The following CDRT4 variants were observed in gnomAD, a reference collection of about 807,000 sequenced individuals.
The protein encoded by CDRT4 is CMT1A duplicated region transcript 4 protein.
For synonymous variants in CDRT4, 64 were observed against 69.6 expected (o/e 0.92, Z 0.40); for missense variants, 167 against 193.1 (o/e 0.87, Z 0.80).
rs550468108 is a variant in CDRT4 at position 15,462,351 on chromosome 17, C to T, written c.-130+5109G>A. Among the ~76,000 whole-genome samples, 23 of 150,366 alleles carry T rather than the reference C, an allele frequency of 1.5e-4. 1 individual carries two copies. The South Asian group carries it at 4.7e-3, about 31-fold the overall frequency. On this transcript the variant is annotated intron_variant, in intron 1 of 3. Coordinates refer to ENST00000619038, the MANE Select transcript of CDRT4 (RefSeq NM_001204477.2). Reference sequence around the variant, plus strand: ...GCTGAGTCAGGAGAATGGCGTTAACCCAGGAGGCAGAGCTTGCAGTGAGCC... The same window carrying T: ...GCTGAGTCAGGAGAATGGCGTTAACTCAGGAGGCAGAGCTTGCAGTGAGCC...
At chr17:15,463,657 G>C (rs1567615244) in intron 1 of CDRT4, among the ~76,000 whole-genome samples, 1 of 152,144 alleles carries the variant, frequency 6.6e-6, no homozygotes, top group Non-Finnish European at 1.5e-5. Context: ...CCATGAAGCT[G>C]CTCCCAGCTG....
intron 2 of CDRT4, 61 bp from the exon 3 acceptor site, chr17:15,440,346 C>A (rs1978701658): frequency 6.3e-7 from 1 of 1,578,166 alleles, no homozygotes; most frequent in Non-Finnish European, 8.6e-7. Context: ...TTAGTAGCCA[C>A]CCTGGGTGGG....
At chr17:15,443,147 A>G (rs950476751) in intron 2 of CDRT4, among the ~76,000 whole-genome samples, 1 of 152,118 alleles carries the variant, frequency 6.6e-6, no homozygotes, top group Non-Finnish European at 1.5e-5. Flanking sequence ...AAATCATTCA[A>G]TTACCTGGAA....
chr17:15,440,223 T>C lies in CDRT4; in HGVS notation c.16A>G (p.Met6Val), dbSNP rs778565867. 11 of 1,613,840 alleles carry C rather than the reference T, an allele frequency of 6.8e-6. No individual in the cohort carries two copies. Reference protein sequence around the residue: MDARRMKKEEGLTENT... With the variant: MDARRVKKEEGLTENT... Reference sequence around the variant, plus strand: ...CCAACCCTACCTTCTTCTTTCTTCATCCTTCTTGCATCCATCTTCTTTTTA... The same window carrying C: ...CCAACCCTACCTTCTTCTTTCTTCACCCTTCTTGCATCCATCTTCTTTTTA... The change falls in exon 3 of 4, where the codon ATG (methionine) becomes GTG (valine). Residue 6 changes from methionine (M) to valine (V), a missense_variant. Transcript: ENST00000619038.
At chr17:15,456,956 C>T (rs868823046) in intron 1 of CDRT4, among the ~76,000 whole-genome samples, 1 of 152,160 alleles carries the variant, frequency 6.6e-6, no homozygotes, top group South Asian at 2.1e-4. Context: ...GAGAATGTTT[C>T]CTAAACCTCT....
chr17:15,452,420 T>C (rs1979303785), intron 2 of CDRT4: 1 of 152,216 alleles, frequency 6.6e-6, no homozygotes, highest in African/African-American at 2.4e-5. Flanking sequence ...TGAAACCTTG[T>C]CTAACATGAA....
intron 1 of CDRT4, among the ~76,000 whole-genome samples, chr17:15,456,520 C>T (rs1166173105): frequency 6.6e-6 from 1 of 151,844 alleles, no homozygotes; most frequent in Non-Finnish European, 1.5e-5. Context: ...GTTTGGACTC[C>T]ACCTAGGCAC....
intron 2 of CDRT4, among the ~76,000 whole-genome samples, chr17:15,444,681 G>A (rs1173194832): frequency 2.0e-5 from 3 of 148,716 alleles, no homozygotes; most frequent in African/African-American, 2.5e-5. Context: ...ACGAAACCCC[G>A]TCTCTACTAA....
At chr17:15,444,926 G>C (rs1357278213) in intron 2 of CDRT4, among the ~76,000 whole-genome samples, 2 of 152,240 alleles carry the variant, frequency 1.3e-5, no homozygotes, top group Non-Finnish European at 2.9e-5. Flanking sequence ...AGAAGCAGTG[G>C]CTTTAAAGTA....
intron 2 of CDRT4, among the ~76,000 whole-genome samples, chr17:15,448,280 C>T (rs938681756): frequency 7.2e-5 from 11 of 152,208 alleles, no homozygotes; most frequent in Admixed American, 2.6e-4. Context: ...ACTGCACATC[C>T]TCCAAATATC....
intron 1 of CDRT4, among the ~76,000 whole-genome samples, chr17:15,459,916 C>T (rs1468016033): frequency 6.6e-6 from 1 of 152,154 alleles, no homozygotes; most frequent in African/African-American, 2.4e-5. Context: ...TCCTGAGTCC[C>T]AGCACCTCAT....
chr17:15,464,883 A>C lies in CDRT4; in HGVS notation c.-130+2577T>G, dbSNP rs140702959. 7.1e-4 allele frequency among the ~76,000 whole-genome samples: 108 copies of C among 152,268 alleles called. No individual in the cohort carries two copies. Among genetic ancestry groups the C allele is most frequent in the African/African-American group, 2.3e-3 (94 of 41,544 alleles). Reference sequence around the variant, plus strand: ...AGAAAGGAACCAGCAGGGATACGGGAACAGAGGCACAGACATCAAGCAGGG... The same window carrying C: ...AGAAAGGAACCAGCAGGGATACGGGCACAGAGGCACAGACATCAAGCAGGG... On this transcript the variant is annotated intron_variant, in intron 1 of 3. Transcript: ENST00000619038. This position sits in a 1 kb window ranked among gnomAD's most constrained non-coding sequence, Gnocchi z 4.5.
In CDRT4 at chr17:15,437,922, C is replaced by T. The variant is rs146969230; in HGVS notation, c.310G>A (p.Ala104Thr). 4.4e-5 allele frequency: 71 copies of T among 1,614,164 alleles called. No homozygotes were observed. Among genetic ancestry groups the T allele is most frequent in the Middle Eastern group, 1.6e-4 (1 of 6,062 alleles). ...LSESTLSMWG[A>T]YSVLAMAPTM... ...GGAGCCATGGCCAATACCGAATAAGCGCCCCACATTGATAACGTGGATTCT... is the reference window on the plus strand; with the variant it reads ...GGAGCCATGGCCAATACCGAATAAGTGCCCCACATTGATAACGTGGATTCT... The change falls in exon 4 of 4, where the codon GCT (alanine) becomes ACT (threonine). Residue 104 changes from alanine (A) to threonine (T), a missense_variant. Ala to Thr is a moderately conservative substitution (Grantham distance 58). Transcript: ENST00000619038.
intron 1 of CDRT4, among the ~76,000 whole-genome samples, chr17:15,457,057 C>T (rs1176587796): frequency 6.6e-6 from 1 of 152,164 alleles, no homozygotes; most frequent in East Asian, 1.9e-4. Context: ...TCCAGTCCAA[C>T]ATCTCAGCCC....
intron 2 of CDRT4, among the ~76,000 whole-genome samples, chr17:15,447,156 G>C (rs1434439778): frequency 6.6e-6 from 1 of 152,160 alleles, no homozygotes; most frequent in African/African-American, 2.4e-5. Flanking sequence ...CAAAAGCAGA[G>C]GCCTCCCAGT....
At chr17:15,462,868 T>C (rs1597471101) in intron 1 of CDRT4, among the ~76,000 whole-genome samples, 1 of 152,212 alleles carries the variant, frequency 6.6e-6, no homozygotes, top group East Asian at 1.9e-4. Context: ...CTAGCAGTGT[T>C]GCATTTCTTG....
At chr17:15,461,765 C>T (rs1287500896) in intron 1 of CDRT4, among the ~76,000 whole-genome samples, 2 of 151,994 alleles carry the variant, frequency 1.3e-5, no homozygotes, top group Admixed American at 1.3e-4. Context: ...GGAATATAGG[C>T]TATATATAAA....
Position 15,442,138 on chromosome 17 carries a change from C to T in CDRT4, c.-47-1853G>A, listed in dbSNP as rs566533393. On this transcript the variant is annotated intron_variant, in intron 2 of 3. Transcript: ENST00000619038. Reference sequence around the variant, plus strand: ...TTGTTAGAAATTTCTTGGCTGGGCGCGGTAGCTCATGCCTGTAATCCCAGC... The same window carrying T: ...TTGTTAGAAATTTCTTGGCTGGGCGTGGTAGCTCATGCCTGTAATCCCAGC... 4.9e-4 allele frequency among the ~76,000 whole-genome samples: 74 copies of T among 152,198 alleles called. No homozygotes were observed. In the South Asian group the frequency reaches 0.015, roughly 32 times the overall value.
intron 2 of CDRT4, chr17:15,443,593 T>G (rs1978877677): frequency 3.2e-6 from 1 of 307,802 alleles, no homozygotes; most frequent in Middle Eastern, 1.2e-3. Flanking sequence ...CACAGTTGTT[T>G]TAAAAATGTC....
Sources: allele counts gnomAD v4.1 joint callset (sites outside exome capture counted in the v4.1 genomes callset), GRCh38; gene constraint gnomAD v4.1.1; non-coding constraint Gnocchi (gnomAD v3.1); transcripts MANE v1.5; gene names NCBI Gene and HGNC (gene_info 2026-07-23, HGNC 2026-07-21).